The following GPC6 variants were observed in gnomAD, a reference collection of about 807,000 sequenced individuals.
GPC6 encodes the protein glypican-6.
A neutral mutation model predicts 55.2 loss-of-function variants in GPC6; 14 were observed. The ratio of observed to expected loss-of-function variants is 0.25; its 90% CI spans 0.17 to 0.40. The LOEUF is 0.40. Among genes scored for constraint, GPC6 ranks in the 10% least tolerant of loss-of-function variants. The pLI is 1.00. For missense variants in GPC6, 641 were observed against 708.5 expected, an observed-to-expected ratio of 0.90 and a Z score of 1.08; for synonymous variants, 278 against 259.6, an observed-to-expected ratio of 1.07 and a Z score of -0.68.
At chr13:94,150,135 A>G (rs1360105072) in intron 4 of GPC6, among the ~76,000 whole-genome samples, 1 of 151,976 alleles carries the variant, frequency 6.6e-6, no homozygotes, top group Admixed American at 6.6e-5. Flanking sequence ...TAAGTTGCTC[A>G]AGTATTAAAG....
At chr13:93,378,270 G>A (rs1875006680) in intron 1 of GPC6, among the ~76,000 whole-genome samples, 1 of 152,146 alleles carries the variant, frequency 6.6e-6, no homozygotes, top group Non-Finnish European at 1.5e-5. Context: ...AAACACCTTA[G>A]CATGAAGTAA....
intron 4 of GPC6, among the ~76,000 whole-genome samples, chr13:94,138,616 T>C (rs746676721): frequency 3.9e-5 from 6 of 152,216 alleles, no homozygotes; most frequent in Non-Finnish European, 5.9e-5. Context: ...CTGATGTTCT[T>C]GTCAAGATAG....
intron 7 of GPC6, among the ~76,000 whole-genome samples, chr13:94,390,155 G>T (rs941760326): frequency 1.3e-5 from 2 of 152,218 alleles, no homozygotes; most frequent in Non-Finnish European, 2.9e-5. Context: ...AGTCATGACT[G>T]GGTAAGTCTA....
chr13:93,760,319 C>T (rs1382572859), intron 2 of GPC6, among the ~76,000 whole-genome samples: 2 of 152,196 alleles, frequency 1.3e-5, no homozygotes, highest in African/African-American at 2.4e-5. Context: ...ACCCAAAAGG[C>T]ATCTTAGGGA....
intron 1 of GPC6, among the ~76,000 whole-genome samples, chr13:93,430,636 C>A (rs1877321069): frequency 6.6e-6 from 1 of 152,132 alleles, no homozygotes; most frequent in African/African-American, 2.4e-5. Flanking sequence ...GGCAGCCATA[C>A]TGAGTACAGA....
At chr13:93,928,908 G>A (rs1878007726) in intron 3 of GPC6, among the ~76,000 whole-genome samples, 1 of 116,332 alleles carries the variant, frequency 8.6e-6, no homozygotes, top group African/African-American at 3.4e-5. Context: ...TATAGTAGGT[G>A]TGTGTGTGTA....
chr13:94,097,490 G>A (rs1003460354), intron 4 of GPC6, among the ~76,000 whole-genome samples: 1 of 123,174 alleles, frequency 8.1e-6, no homozygotes, highest in Non-Finnish European at 1.6e-5. Context: ...CTGGGCCACA[G>A]AGCAAGACTC....
At chr13:93,420,611 GAAAGTGAC>G (rs1876888935) in intron 1 of GPC6, among the ~76,000 whole-genome samples, 1 of 152,268 alleles carries the variant, frequency 6.6e-6, no homozygotes, top group South Asian at 2.1e-4. Flanking sequence ...TTTGAAGAAG[GAAAGTGAC>G]ATCTAATGTT....
At chr13:93,698,138 T>C (rs188509505) in intron 2 of GPC6, among the ~76,000 whole-genome samples, 14 of 152,340 alleles carry the variant, frequency 9.2e-5, no homozygotes, top group Admixed American at 8.5e-4. Flanking sequence ...TCACAGTTTC[T>C]ACTTCGTTGG....
chr13:93,337,503 T>TA (rs145498277), intron 1 of GPC6, among the ~76,000 whole-genome samples: 6,786 of 146,890 alleles, frequency 0.046, 398 homozygotes, highest in African/African-American at 0.13. Flanking sequence ...CACTTAAAGG[T>TA]AAAAAAAAAA....
chr13:93,810,257 A>G (rs1886657101), intron 2 of GPC6, among the ~76,000 whole-genome samples: 1 of 152,230 alleles, frequency 6.6e-6, no homozygotes, highest in African/African-American at 2.4e-5. Context: ...CAATAGCTAC[A>G]TTGAGTCCGT....
chr13:94,066,184 A>G (rs1159563044), intron 4 of GPC6, among the ~76,000 whole-genome samples: 2 of 152,166 alleles, frequency 1.3e-5, no homozygotes, highest in African/African-American at 4.8e-5. Context: ...TATATTTTAT[A>G]CCCATTGTAG....
chr13:93,934,953 T>G (rs1468606724), intron 3 of GPC6, among the ~76,000 whole-genome samples: 1 of 152,220 alleles, frequency 6.6e-6, no homozygotes, highest in African/African-American at 2.4e-5. Flanking sequence ...AAGCTTCATA[T>G]TTTTTACATT....
intron 3 of GPC6, among the ~76,000 whole-genome samples, chr13:93,954,249 A>C (rs1355505876): frequency 2.0e-5 from 3 of 152,238 alleles, no homozygotes; most frequent in Non-Finnish European, 4.4e-5. Context: ...ATCTGAAAAC[A>C]TAGCAAAAGT....
intron 1 of GPC6, among the ~76,000 whole-genome samples, chr13:93,447,932 C>T (rs890056963): frequency 5.3e-5 from 8 of 152,246 alleles, no homozygotes; most frequent in East Asian, 3.9e-4. Context: ...ATGTGCATGC[C>T]GCTGTTCATA....
intron 1 of GPC6, among the ~76,000 whole-genome samples, chr13:93,290,714 C>T (rs963073428): frequency 2.6e-5 from 4 of 152,054 alleles, no homozygotes; most frequent in African/African-American, 9.7e-5. Context: ...TTTGATGAGT[C>T]ATTTGTTCCA....
At chr13:93,950,679 G>A (rs1337775330) in intron 3 of GPC6, among the ~76,000 whole-genome samples, 1 of 152,178 alleles carries the variant, frequency 6.6e-6, no homozygotes, top group Non-Finnish European at 1.5e-5. Flanking sequence ...TGATTCATCT[G>A]CAGACATCTA....
intron 1 of GPC6, among the ~76,000 whole-genome samples, chr13:93,266,552 A>G (rs1434744299): frequency 2.0e-5 from 3 of 152,208 alleles, no homozygotes; most frequent in Non-Finnish European, 2.9e-5. Flanking sequence ...TCATATGGCC[A>G]ATATTTAATT....
At chr13:93,529,804 C>A (rs186343153) in intron 1 of GPC6, among the ~76,000 whole-genome samples, 1 of 152,096 alleles carries the variant, frequency 6.6e-6, no homozygotes, top group Non-Finnish European at 1.5e-5. Context: ...CATGAGCCAC[C>A]GCGCCTGGCT....
Sources: allele counts gnomAD v4.1 joint callset (sites outside exome capture counted in the v4.1 genomes callset), GRCh38; gene constraint gnomAD v4.1.1; transcripts MANE v1.5; gene names NCBI Gene and HGNC (gene_info 2026-07-23, HGNC 2026-07-21).